The following SLC1A6 variants were observed in gnomAD, a reference collection of about 807,000 sequenced individuals.
SLC1A6 encodes solute carrier family 1 member 6.
Under a neutral mutation model 42.1 loss-of-function variants are expected in SLC1A6, and 15 were observed. The observed-to-expected ratio is 0.36, with a 90% CI of 0.24 to 0.55. SLC1A6 has a LOEUF of 0.55. SLC1A6 is among the 20% of genes least tolerant of loss of function. SLC1A6 has a pLI of 0.88. For synonymous variants in SLC1A6, 317 were observed against 319.7 expected (o/e 0.99, Z 0.09); for missense variants, 542 against 772.5 (o/e 0.70, Z 3.54).
At chr19:14,952,273 C>CAAA (rs71168528) in intron 9 of SLC1A6, among the ~76,000 whole-genome samples, 1 of 145,688 alleles carries the variant, frequency 6.9e-6, no homozygotes, top group Non-Finnish European at 1.5e-5. Flanking sequence ...AACATAATCT[C>CAAA]AAAAAAAAAA....
intron 1 of SLC1A6, among the ~76,000 whole-genome samples, chr19:14,991,756 T>C (rs2045821192): frequency 6.6e-6 from 1 of 151,482 alleles, no homozygotes; most frequent in Admixed American, 6.6e-5. Flanking sequence ...TCAAAATGAA[T>C]GCAAAAAAAT....
At chr19:14,964,220 G>A in intron 5 of SLC1A6, 99 bp downstream of exon 5, 1 of 964,944 alleles carries the variant, frequency 1.0e-6, no homozygotes, top group Admixed American at 1.7e-5. Context: ...TGCTCTGTCA[G>A]GCCCTTCCTC....
At chr19:14,978,257 T>A (rs1422566706) in intron 1 of SLC1A6, 1 of 152,190 alleles carries the variant, frequency 6.6e-6, no homozygotes, top group Non-Finnish European at 1.5e-5. Context: ...GGGCTGCTTC[T>A]CGGAGCCTCT....
chr19:14,975,986 T>C (rs1191805277), intron 1 of SLC1A6, among the ~76,000 whole-genome samples: 1 of 152,108 alleles, frequency 6.6e-6, no homozygotes, highest in Non-Finnish European at 1.5e-5. Context: ...CCTCCTAACC[T>C]ACACTGTTCT....
chr19:15,006,760 C>CA (rs58932066), intron 1 of SLC1A6, among the ~76,000 whole-genome samples: 104,135 of 132,938 alleles, frequency 0.78, 39,846 homozygotes, highest in East Asian at 0.91. Context: ...CCTGTCTCTA[C>CA]AAAAAAAAAA....
intron 6 of SLC1A6, among the ~76,000 whole-genome samples, chr19:14,958,410 C>CAA (rs5827266): frequency 6.6e-5 from 9 of 137,148 alleles, no homozygotes; most frequent in African/African-American, 1.9e-4. Flanking sequence ...GACTGCATCT[C>CAA]AAAAAAAAAA....
chr19:14,964,726 G>T (rs2045554169), intron 4 of SLC1A6, among the ~76,000 whole-genome samples: 1 of 152,166 alleles, frequency 6.6e-6, no homozygotes, highest in Admixed American at 6.5e-5. Flanking sequence ...ACATGTGTCA[G>T]TGATGCCTCA....
intron 2 of SLC1A6, among the ~76,000 whole-genome samples, chr19:14,972,382 T>TTC (rs34847096): frequency 0.53 from 80,806 of 151,988 alleles, 21,727 homozygotes; most frequent in East Asian, 0.68. Flanking sequence ...GTGTGCATGT[T>TTC]TGTGTTTGCA....
At chr19:14,953,904 C>T (rs1197183519) in intron 8 of SLC1A6, among the ~76,000 whole-genome samples, 1 of 152,234 alleles carries the variant, frequency 6.6e-6, no homozygotes, top group Non-Finnish European at 1.5e-5. Context: ...GGATCTCCCA[C>T]GTGAGAGGGA....
At chr19:14,987,443 G>A (rs928294190) in intron 1 of SLC1A6, among the ~76,000 whole-genome samples, 1 of 151,750 alleles carries the variant, frequency 6.6e-6, no homozygotes. Flanking sequence ...ACTCCAGCCT[G>A]AGCGACAGAG....
chr19:14,981,062 G>C (rs1390569844), upstream of SLC1A6, among the ~76,000 whole-genome samples: 2 of 152,070 alleles, frequency 1.3e-5, no homozygotes, highest in East Asian at 1.9e-4. Flanking sequence ...GGACGCCAAG[G>C]AGAGAGGATC....
chr19:15,003,394 C>A (rs942382165), intron 1 of SLC1A6, among the ~76,000 whole-genome samples: 1 of 152,202 alleles, frequency 6.6e-6, no homozygotes, highest in Admixed American at 6.5e-5. Context: ...AACCAGGAAG[C>A]ACCTCCTCTC....
At chr19:14,953,135 G>T in intron 8 of SLC1A6, 73 bp from the exon 9 acceptor site, 1 of 1,207,056 alleles carries the variant, frequency 8.3e-7, no homozygotes. Context: ...GAAAAGGACA[G>T]AGAGAAGGGA....
intron 1 of SLC1A6, among the ~76,000 whole-genome samples, chr19:14,995,805 TA>T (rs1206495158): frequency 2.0e-5 from 3 of 152,026 alleles, no homozygotes; most frequent in African/African-American, 7.2e-5. Flanking sequence ...TAAAGTATAG[TA>T]GTAGAAGTGT....
intron 4 of SLC1A6, among the ~76,000 whole-genome samples, chr19:14,966,555 C>G (rs139567930): frequency 2.6e-5 from 4 of 151,958 alleles, no homozygotes; most frequent in Admixed American, 1.3e-4. Context: ...AATAAAAAAT[C>G]AAAAATTTAG....
Position 14,953,079 on chromosome 19 carries a change from A to G in SLC1A6, c.1365-17T>C. On this transcript the variant is annotated splice_polypyrimidine_tract_variant and intron_variant, in intron 8 of 9. Coordinates refer to ENST00000594383, the MANE Select transcript of SLC1A6 (RefSeq NM_005071.3). ...GCCGTGATGCTGCAGGGGGAGGGAG[A>G]ACATGGGGAGCAGATGGAGGGAAGA... 1 of 1,606,904 alleles carries G rather than the reference A, an allele frequency of 6.2e-7. No homozygotes were observed. Among genetic ancestry groups the G allele is most frequent in the Admixed American group, 1.7e-5 (1 of 59,686 alleles).
At chr19:14,985,713 C>T (rs2045789444) in intron 1 of SLC1A6, among the ~76,000 whole-genome samples, 1 of 152,230 alleles carries the variant, frequency 6.6e-6, no homozygotes, top group Admixed American at 6.5e-5. Context: ...CCTATAATCC[C>T]AGCCTTTGGG....
intron 4 of SLC1A6, among the ~76,000 whole-genome samples, chr19:14,966,214 G>A (rs2045572041): frequency 6.6e-6 from 1 of 152,050 alleles, no homozygotes; most frequent in African/African-American, 2.4e-5. Flanking sequence ...TTCATAGGCC[G>A]GGCACAGTGG....
At chr19:14,954,051 C>CCCA in intron 8 of SLC1A6, 84 bp downstream of exon 8, 1 of 1,036,806 alleles carries the variant, frequency 9.6e-7, no homozygotes. Flanking sequence ...AGCTGAGGCC[C>CCCA]CCTCCTCCCT....
Sources: allele counts gnomAD v4.1 joint callset (sites outside exome capture counted in the v4.1 genomes callset), GRCh38; gene constraint gnomAD v4.1.1; transcripts MANE v1.5; gene names NCBI Gene and HGNC (gene_info 2026-07-23, HGNC 2026-07-21).